Variants in PUDP observed in about 807,000 individuals in gnomAD.
PUDP encodes pseudouridine-5'-phosphatase.
In PUDP, 8 loss-of-function variants were observed where a neutral mutation model predicts 9.4. The ratio of observed to expected loss-of-function variants is 0.85; its 90% confidence interval spans 0.50 to 1.53. The LOEUF (loss-of-function observed/expected upper bound fraction) is 1.53. PUDP is among the 40% of genes most tolerant of loss of function. The pLI, the probability that PUDP is intolerant of heterozygous loss-of-function variation, is 0.00. For synonymous variants in PUDP, 99 were observed against 80.7 expected (o/e 1.23, Z -1.22); for missense variants, 188 against 189.7 (o/e 0.99, Z 0.05).
intron 3 of PUDP, among the ~76,000 whole-genome samples, chrX:6,961,693 A>T (rs934782025): frequency 8.9e-6 from 1 of 111,779 alleles, no homozygotes; most frequent in Non-Finnish European, 1.9e-5. Context: ...TTTATGAATG[A>T]GGCAAATGAG....
chrX:6,921,399 G>GA (rs750644481), intron 3 of PUDP, among the ~76,000 whole-genome samples: 4 of 109,421 alleles, frequency 3.7e-5, no homozygotes, highest in Admixed American at 2.9e-4. Flanking sequence ...ACAAAAAAAA[G>GA]AAAAAAAATA....
chrX:6,775,444 G>GGGGCATGGAT (rs1188762604), intron 3 of PUDP, among the ~76,000 whole-genome samples: 3 of 104,709 alleles, frequency 2.9e-5, no homozygotes, highest in Non-Finnish European at 5.8e-5. Flanking sequence ...TTAATCTTTT[G>GGGGCATGGAT]GGGCATGGAT....
At chrX:6,845,634 T>A (rs947500286) in intron 3 of PUDP, among the ~76,000 whole-genome samples, 2 of 110,867 alleles carry the variant, frequency 1.8e-5, no homozygotes, top group African/African-American at 6.5e-5. Flanking sequence ...ATTCCCAGCA[T>A]GAAGGATTGT....
At chrX:6,905,509 A>AGG (rs1927754164) in intron 3 of PUDP, among the ~76,000 whole-genome samples, 1 of 111,911 alleles carries the variant, frequency 8.9e-6, no homozygotes, top group East Asian at 2.8e-4. Context: ...GGAGAGAGAG[A>AGG]GAGAAGAGGG....
chrX:6,753,588 C>T (rs1196230559), intron 3 of PUDP, among the ~76,000 whole-genome samples: 2 of 112,089 alleles, frequency 1.8e-5, no homozygotes, highest in African/African-American at 6.5e-5. Flanking sequence ...ACATTCCCAC[C>T]AGCAGTGTGG....
intron 3 of PUDP, among the ~76,000 whole-genome samples, chrX:6,750,435 A>G (rs1168311947): frequency 9.1e-6 from 1 of 110,192 alleles, no homozygotes; most frequent in Non-Finnish European, 1.9e-5. Flanking sequence ...ATTACTCCCA[A>G]ACGAAGAGAG....
At chrX:6,765,522 G>A (rs747623040) in intron 3 of PUDP, among the ~76,000 whole-genome samples, 11 of 111,686 alleles carry the variant, frequency 9.8e-5, no homozygotes, top group Non-Finnish European at 1.5e-4. Flanking sequence ...CTATCATGTC[G>A]ATTTCTACAA....
intron 3 of PUDP, among the ~76,000 whole-genome samples, chrX:6,907,867 G>A (rs1927791408): frequency 8.9e-6 from 1 of 111,885 alleles, no homozygotes; most frequent in Non-Finnish European, 1.9e-5. Flanking sequence ...AAACAGAAAA[G>A]TAAGAAAAGG....
upstream of PUDP, chrX:6,721,679 G>T (rs986241657): frequency 8.9e-6 from 1 of 112,189 alleles, no homozygotes; most frequent in Non-Finnish European, 1.9e-5. Flanking sequence ...AACAGAAGAT[G>T]TAACAAATGG....
rs1274178379 is a variant in PUDP, at chrX:7,054,157, C to A, written c.511-3685G>T. Reference sequence around the variant, plus strand: ...CGTAGGCTGGGCGCAGTGGCTCACACCTGTATTTTGGGAGGCCGAGGTACG... The same window carrying A: ...CGTAGGCTGGGCGCAGTGGCTCACAACTGTATTTTGGGAGGCCGAGGTACG... On this transcript the variant is annotated intron_variant, in intron 3 of 3. Transcript: ENST00000381077. 4.5e-5 allele frequency among the ~76,000 whole-genome samples: 5 copies of A among 112,009 alleles called. No homozygotes were observed. In the Admixed American group the frequency reaches 4.7e-4, roughly 11 times the overall value.
At chrX:6,868,947 C>T (rs1927131498) in intron 3 of PUDP, among the ~76,000 whole-genome samples, 1 of 111,911 alleles carries the variant, frequency 8.9e-6, no homozygotes, top group Non-Finnish European at 1.9e-5. Context: ...AATTTCCTGG[C>T]AAAGTATTAA....
At chrX:6,828,121 A>G (rs1444817566) in intron 3 of PUDP, among the ~76,000 whole-genome samples, 4 of 111,710 alleles carry the variant, frequency 3.6e-5, no homozygotes, top group African/African-American at 1.3e-4. Flanking sequence ...TCTTTGGGGA[A>G]CTAGTATTTT....
chrX:6,773,342 T>G (rs1489467750), intron 3 of PUDP, among the ~76,000 whole-genome samples: 2 of 112,157 alleles, frequency 1.8e-5, no homozygotes, highest in Non-Finnish European at 3.8e-5. Context: ...ACTCCATCTT[T>G]TTGGGTACTG....
At chrX:6,750,989 G>A (rs770628005) in intron 3 of PUDP, among the ~76,000 whole-genome samples, 2 of 109,642 alleles carry the variant, frequency 1.8e-5, no homozygotes, top group East Asian at 5.8e-4. Flanking sequence ...AATACAAAAG[G>A]AAATTAGCCG....
At chrX:7,006,185 G>C (rs1302238382) in intron 1 of PUDP, among the ~76,000 whole-genome samples, 1 of 111,557 alleles carries the variant, frequency 9.0e-6, no homozygotes, top group Non-Finnish European at 1.9e-5. Context: ...AATTATTTTG[G>C]GTTTATACAC....
chrX:6,739,852 C>T (rs1404861384), intron 3 of PUDP, among the ~76,000 whole-genome samples: 3 of 111,721 alleles, frequency 2.7e-5, no homozygotes, highest in Non-Finnish European at 5.6e-5. Context: ...AAATTTAATA[C>T]CTGGCTATTT....
chrX:7,116,064 A>G (rs953918201), intron 1 of PUDP, among the ~76,000 whole-genome samples: 1 of 112,937 alleles, frequency 8.9e-6, no homozygotes, highest in Non-Finnish European at 1.9e-5. Flanking sequence ...TCTTCAAATG[A>G]GAACGAGCAG....
At chrX:7,003,424 C>T (rs1929356408) in intron 1 of PUDP, among the ~76,000 whole-genome samples, 1 of 110,956 alleles carries the variant, frequency 9.0e-6, no homozygotes, top group Non-Finnish European at 1.9e-5. Context: ...ATTGTGAGTC[C>T]TGATTCCCTG....
intron 3 of PUDP, among the ~76,000 whole-genome samples, chrX:6,741,967 T>G (rs1053515912): frequency 2.7e-5 from 3 of 110,462 alleles, no homozygotes; most frequent in Middle Eastern, 4.6e-3. Context: ...GCTACTCTCA[T>G]GCCTCAGCCT....
Sources: allele counts gnomAD v4.1 joint callset (sites outside exome capture counted in the v4.1 genomes callset), GRCh38; gene constraint gnomAD v4.1.1; transcripts MANE v1.5; gene names NCBI Gene and HGNC (gene_info 2026-07-23, HGNC 2026-07-21).